PTPRG: variants seen among roughly 807,000 people sequenced by gnomAD.
PTPRG encodes the protein protein tyrosine phosphatase receptor type G, also known as receptor-type tyrosine-protein phosphatase gamma.
PTPRG carries 102 observed loss-of-function variants against 165.3 expected under a neutral mutation model. That is an observed-to-expected ratio of 0.62 (90% CI 0.53 to 0.73). The LOEUF is 0.73. Ranked by LOEUF, PTPRG falls within the 30% of genes least tolerant of loss-of-function variation. PTPRG has a pLI of 0.00. For synonymous variants in PTPRG, 675 were observed against 669.5 expected, an observed-to-expected ratio of 1.01 and a Z score of -0.13; for missense variants, 1,866 against 1,861.4, an observed-to-expected ratio of 1.00 and a Z score of -0.05.
intron 1 of PTPRG, among the ~76,000 whole-genome samples, chr3:61,592,336 A>G (rs1335681469): frequency 1.3e-5 from 2 of 152,118 alleles, no homozygotes; most frequent in Non-Finnish European, 2.9e-5. Context: ...GTAAAGGATA[A>G]GACGTGTTCC....
chr3:61,751,472 A>G (rs1055863668), intron 2 of PTPRG, among the ~76,000 whole-genome samples: 1 of 152,184 alleles, frequency 6.6e-6, no homozygotes, highest in Non-Finnish European at 1.5e-5. Flanking sequence ...GAGGCCTCAA[A>G]TTCTCTGATT....
At chr3:62,160,885 T>TTTTTTTG (rs1452272876) in intron 7 of PTPRG, among the ~76,000 whole-genome samples, 2 of 144,608 alleles carry the variant, frequency 1.4e-5, no homozygotes, top group African/African-American at 5.2e-5. Flanking sequence ...TTTTTTTTTT[T>TTTTTTTG]TTTCTGACAG....
Position 61,605,828 on chromosome 3 carries a change from T to A in PTPRG, c.85+43456T>A, listed in dbSNP as rs551289964. ...GCCTTAAGCAATCCTCCTGCCTCAC[T>A]TCTCAAAGCAGTGGGACTACAGATG... is the stretch of plus-strand genomic sequence containing the variant. On this transcript the variant is annotated intron_variant, in intron 1 of 29. Transcript: ENST00000474889. Among the ~76,000 whole-genome samples the A allele has an allele frequency of 4.9e-4, 75 of 152,180 alleles. 5 individuals carry two copies. In the South Asian group the frequency reaches 0.016, roughly 32 times the overall value.
At chr3:61,689,328 G>C (rs2030002215) in intron 1 of PTPRG, among the ~76,000 whole-genome samples, 1 of 152,176 alleles carries the variant, frequency 6.6e-6, no homozygotes, top group Non-Finnish European at 1.5e-5. Flanking sequence ...CACAAAACAA[G>C]ATAATTTCTT....
At chr3:61,994,263 A>G (rs528099311) in intron 3 of PTPRG, among the ~76,000 whole-genome samples, 1 of 152,374 alleles carries the variant, frequency 6.6e-6, no homozygotes, top group South Asian at 2.1e-4. Context: ...ATGTATGTTA[A>G]TAAGACGTGG....
chr3:62,275,977 A>G lies in PTPRG; in HGVS notation c.3559+11A>G. 1 of 1,581,838 alleles carries G rather than the reference A, an allele frequency of 6.3e-7. No homozygotes were observed. The stretch of plus-strand genomic sequence containing the variant: ...CTTCAGTTGTGCCATGTAAGACTTT[A>G]AAACAGTTTGTTAGTGATCTTTTAT... On this transcript the variant is annotated intron_variant, in intron 24 of 29. Transcript: ENST00000474889.
chr3:61,940,683 T>TGA (rs370953695), intron 2 of PTPRG, among the ~76,000 whole-genome samples: 32,397 of 147,914 alleles, frequency 0.22, 3,728 homozygotes, highest in East Asian at 0.49. Flanking sequence ...TTTATTTTTT[T>TGA]GACAGAGTCT....
intron 14 of PTPRG, among the ~76,000 whole-genome samples, chr3:62,236,381 G>A (rs907777588): frequency 6.6e-6 from 1 of 152,122 alleles, no homozygotes; most frequent in East Asian, 1.9e-4. Flanking sequence ...GCATGTGAAC[G>A]TTTTCAACTT....
chr3:61,858,483 A>G (rs752320446), intron 2 of PTPRG, among the ~76,000 whole-genome samples: 2 of 152,230 alleles, frequency 1.3e-5, no homozygotes, highest in Non-Finnish European at 1.5e-5. Flanking sequence ...TATAGTATTT[A>G]TAATAGAGAT....
At chr3:61,794,585 T>A (rs1244419884) in intron 2 of PTPRG, among the ~76,000 whole-genome samples, 1 of 152,236 alleles carries the variant, frequency 6.6e-6, no homozygotes. Context: ...ACGTCAGTGA[T>A]AGCATGCTTT....
chr3:62,205,509 T>C (rs1244859737), intron 12 of PTPRG, among the ~76,000 whole-genome samples: 5 of 152,166 alleles, frequency 3.3e-5, no homozygotes, highest in African/African-American at 9.7e-5. Context: ...GTAGCCTTAA[T>C]TGCTACAGTT....
intron 2 of PTPRG, among the ~76,000 whole-genome samples, chr3:61,830,292 G>A (rs528400041): frequency 5.9e-5 from 9 of 152,248 alleles, no homozygotes; most frequent in East Asian, 3.9e-4. Flanking sequence ...GGAATTATAC[G>A]GTGTGAACTG....
intron 2 of PTPRG, among the ~76,000 whole-genome samples, chr3:61,869,533 G>C (rs1246839768): frequency 1.3e-5 from 2 of 152,036 alleles, no homozygotes; most frequent in African/African-American, 4.8e-5. Flanking sequence ...GCTTTGTCCA[G>C]AATCCCTGGA....
intron 1 of PTPRG, among the ~76,000 whole-genome samples, chr3:61,747,672 G>T (rs574768189): frequency 2.0e-5 from 3 of 152,038 alleles, no homozygotes; most frequent in East Asian, 3.9e-4. Flanking sequence ...TGTCTAAAAG[G>T]CTAATAATAT....
In PTPRG at chr3:62,276,984, G is replaced by T. The variant is rs141644107; in HGVS notation, c.3572G>T (p.Arg1191Leu). 6.2e-7 allele frequency: 1 copy of T among 1,612,978 alleles called. No homozygotes were observed. The highest frequency in any genetic ancestry group is 1.1e-5 in the South Asian group (1 of 91,018). Residue 1191 changes from arginine to leucine, a missense_variant, in exon 25 of 30, where the codon CGA (arginine) becomes CTA (leucine). Around this residue, in one of 3 missense-constraint regions of PTPRG, gnomAD observed 1,452 missense variants for 1,463.0 expected, o/e 0.99. Transcript: ENST00000474889. ...NSSVVPSERA[R>L]VGLAPLPGMK... is the part of the protein sequence containing the mutation. ...TTCCATATGATAGCTGAGCGTGCTC[G>T]AGTGGGTCTTGCACCATTGCCTGGA...
In PTPRG at chr3:62,213,334, G is replaced by A. The variant is rs1464498323; in HGVS notation, c.2156-5517G>A. 6.6e-6 allele frequency among the ~76,000 whole-genome samples: 1 copy of A among 152,146 alleles called. No homozygotes were observed. The highest frequency in any genetic ancestry group is 2.4e-5 in the African/African-American group (1 of 41,418). Reference sequence around the variant, plus strand: ...TGCACTCACACAGGCCCTGTGCTCAGAAGGGCCTATGCTTGCTTTCATACT... The same window carrying A: ...TGCACTCACACAGGCCCTGTGCTCAAAAGGGCCTATGCTTGCTTTCATACT... On this transcript the variant is annotated intron_variant, in intron 12 of 29. Coordinates refer to ENST00000474889, the MANE Select transcript of PTPRG (RefSeq NM_002841.4). This position sits in a 1 kb window ranked among gnomAD's most constrained non-coding sequence, Gnocchi z 4.4.
intron 2 of PTPRG, among the ~76,000 whole-genome samples, chr3:61,867,785 C>A (rs912857884): frequency 2.0e-5 from 3 of 152,302 alleles, no homozygotes; most frequent in African/African-American, 7.2e-5. Context: ...ATAGGACGTC[C>A]CTTACGGAAC....
At chr3:61,732,578 G>A (rs1012780974) in intron 1 of PTPRG, among the ~76,000 whole-genome samples, 8 of 150,408 alleles carry the variant, frequency 5.3e-5, no homozygotes, top group Non-Finnish European at 4.4e-5. Flanking sequence ...GCATGATGGC[G>A]AGCACCTGTA....
At chr3:61,845,580 C>T (rs2036783980) in intron 2 of PTPRG, among the ~76,000 whole-genome samples, 1 of 152,166 alleles carries the variant, frequency 6.6e-6, no homozygotes, top group African/African-American at 2.4e-5. Context: ...TGAGTTAAAC[C>T]TCTCACCAGA....
Sources: gnomAD v4.1 joint callset for allele counts (sites outside exome capture counted in the v4.1 genomes callset) on GRCh38, gnomAD v4.1.1 for gene constraint, gnomAD v4.1.1 regional missense constraint, Gnocchi (gnomAD v3.1) non-coding constraint, MANE v1.5 for transcripts, NCBI Gene and HGNC (gene_info 2026-07-23, HGNC 2026-07-21) for gene names.